The following NEO1 variants were observed in gnomAD, a reference collection of about 807,000 sequenced individuals.
The protein encoded by NEO1 is neogenin 1.
In NEO1, 63 loss-of-function variants were observed where a neutral mutation model predicts 159.7. The observed-to-expected ratio is 0.39, with a 90% CI of 0.32 to 0.49. The LOEUF (loss-of-function observed/expected upper bound fraction) is 0.49, where lower values mean the gene tolerates loss of function less well. NEO1 is among the 20% of genes least tolerant of loss of function. NEO1 has a pLI of 0.85. For missense variants in NEO1, 1,615 were observed against 1,831.0 expected (o/e 0.88, Z 2.15); for synonymous variants, 633 against 662.0 (o/e 0.96, Z 0.67).
chr15:73,057,735 C>G (rs992196074), intron 1 of NEO1, among the ~76,000 whole-genome samples: 1 of 152,158 alleles, frequency 6.6e-6, no homozygotes, highest in Non-Finnish European at 1.5e-5. Flanking sequence ...TTTCTTTCTA[C>G]TTACTGCCTA....
intron 1 of NEO1, among the ~76,000 whole-genome samples, chr15:73,077,855 A>C (rs1350242145): frequency 1.3e-5 from 2 of 152,222 alleles, no homozygotes; most frequent in African/African-American, 2.4e-5. Flanking sequence ...GAAGCAACTC[A>C]GTGTAAGCTT....
At chr15:73,128,753 T>C (rs2151700731) in intron 4 of NEO1, among the ~76,000 whole-genome samples, 1 of 152,362 alleles carries the variant, frequency 6.6e-6, no homozygotes, top group Non-Finnish European at 1.5e-5. Flanking sequence ...GTTCTTTTAG[T>C]AGAATGATTC....
At chr15:73,158,588 CTT>C (rs750529648) in intron 5 of NEO1, among the ~76,000 whole-genome samples, 5 of 152,066 alleles carry the variant, frequency 3.3e-5, no homozygotes, top group Non-Finnish European at 7.4e-5. Context: ...GGCGATCTCA[CTT>C]TGTTACCCAG....
chr15:73,080,681 A>T lies in NEO1; in HGVS notation c.130+27876A>T, dbSNP rs554038708. On this transcript the variant is annotated intron_variant, in intron 1 of 28. Coordinates refer to ENST00000261908, the MANE Select transcript of NEO1 (RefSeq NM_002499.4). ...GATTAAAGGACATGAGGAAGGAAGC[A>T]TTAGTGAGGAAGTTGAACCATTGAC... 1.2e-4 allele frequency among the ~76,000 whole-genome samples: 19 copies of T among 152,266 alleles called. No individual in the cohort carries two copies. The South Asian group carries it at 3.9e-3, about 32-fold the overall frequency.
At chr15:73,206,285 T>C (rs1330366388) in intron 7 of NEO1, among the ~76,000 whole-genome samples, 1 of 152,152 alleles carries the variant, frequency 6.6e-6, no homozygotes, top group East Asian at 1.9e-4. Flanking sequence ...TTCTCCTGTT[T>C]CCTTATTTGC....
rs139352146 is a variant in NEO1 at position 73,249,085 on chromosome 15, C to T, written c.1632C>T (p.Asn544=). ...PEVQLPGPAP[N]LRAYAASPTS... ...TTCAGCTCCCTGGCCCAGCACCTAA[C>T]CTTCGTGCATATGCAGCTTCGCCTA... Residue 544 remains asparagine (N), a synonymous_variant, in exon 10 of 29, where the codon AAC becomes AAT. Transcript: ENST00000261908. 3.2e-5 allele frequency: 52 copies of T among 1,614,054 alleles called. No homozygotes were observed. In the African/African-American group the frequency reaches 6.4e-4, roughly 20 times the overall value.
Position 73,249,693 on chromosome 15 carries a change from A to G in NEO1, c.1866A>G (p.Pro622=). The part of the protein sequence containing the change: ...YNKHGPGVST[P]DVAVRTLSDV... Reference sequence around the variant, plus strand: ...AACATGGTCCTGGAGTTTCCACACCAGATGTTGCTGTTCGAACATTGTCAG... The same window carrying G: ...AACATGGTCCTGGAGTTTCCACACCGGATGTTGCTGTTCGAACATTGTCAG... Residue 622 remains proline, a synonymous_variant, in exon 11 of 29, where the codon CCA becomes CCG. Coordinates refer to ENST00000261908, the MANE Select transcript of NEO1 (RefSeq NM_002499.4). 1 of 1,612,682 alleles carries G rather than the reference A, an allele frequency of 6.2e-7. No homozygotes were observed. The highest frequency in any genetic ancestry group is 1.3e-5 in the African/African-American group (1 of 74,954).
At chr15:73,149,292 C>T (rs1425393673) in intron 5 of NEO1, among the ~76,000 whole-genome samples, 4 of 149,340 alleles carry the variant, frequency 2.7e-5, no homozygotes, top group Non-Finnish European at 5.9e-5. Flanking sequence ...TCCAGCCTGG[C>T]GACAGAGTAA....
intron 1 of NEO1, among the ~76,000 whole-genome samples, chr15:73,054,604 A>T (rs2067613228): frequency 6.6e-6 from 1 of 152,222 alleles, no homozygotes; most frequent in Non-Finnish European, 1.5e-5. Flanking sequence ...AGAGTGTCTC[A>T]CAAGAACTGA....
chr15:73,206,304 T>G (rs2037222631), intron 7 of NEO1, among the ~76,000 whole-genome samples: 1 of 152,196 alleles, frequency 6.6e-6, no homozygotes, highest in African/African-American at 2.4e-5. Context: ...GCTGTTTCCT[T>G]TATTATTTCT....
intron 7 of NEO1, among the ~76,000 whole-genome samples, chr15:73,188,514 C>G (rs1196230793): frequency 6.6e-6 from 1 of 152,048 alleles, no homozygotes; most frequent in South Asian, 2.1e-4. Flanking sequence ...TAACTACTTC[C>G]TCTATTTTGG....
chr15:73,279,908 G>A (rs1285440896), intron 22 of NEO1, among the ~76,000 whole-genome samples: 1 of 152,156 alleles, frequency 6.6e-6, no homozygotes, highest in Non-Finnish European at 1.5e-5. Context: ...CATAGAGAAA[G>A]GATAGAGATT....
chr15:73,240,842 G>T (rs1218869587), intron 8 of NEO1, among the ~76,000 whole-genome samples: 1 of 152,214 alleles, frequency 6.6e-6, no homozygotes, highest in East Asian at 1.9e-4. Flanking sequence ...TTTCTGAATA[G>T]AGGCAATGAA....
At chr15:73,229,443 T>C (rs960731630) in intron 7 of NEO1, among the ~76,000 whole-genome samples, 4 of 147,710 alleles carry the variant, frequency 2.7e-5, no homozygotes, top group African/African-American at 1.0e-4. Context: ...TATTTATTAG[T>C]TTTAGTTGTT....
At chr15:73,252,318 C>G (rs1476750536) in intron 11 of NEO1, among the ~76,000 whole-genome samples, 2 of 152,288 alleles carry the variant, frequency 1.3e-5, no homozygotes, top group South Asian at 4.1e-4. Flanking sequence ...TTTGCTTGCT[C>G]TCACCAATAT....
Position 73,139,992 on chromosome 15 carries a change from T to C in NEO1, c.1015+3965T>C, listed in dbSNP as rs79847567. On this transcript the variant is annotated intron_variant, in intron 5 of 28. Transcript: ENST00000261908. ...AACAAAGACAGAAACCAATAGAAAA[T>C]GGGCAAAAGACTTGAACATCGACCT... 8.7e-3 allele frequency among the ~76,000 whole-genome samples: 1,324 copies of C among 152,220 alleles called. 22 individuals carry two copies. Among genetic ancestry groups the C allele is most frequent in the African/African-American group, 0.03 (1,249 of 41,552 alleles).
intron 7 of NEO1, among the ~76,000 whole-genome samples, chr15:73,186,221 A>T (rs989321350): frequency 6.6e-6 from 1 of 150,602 alleles, no homozygotes; most frequent in Admixed American, 6.6e-5. Context: ...TTTTTAGTTT[A>T]AAAAAAAATA....
intron 4 of NEO1, among the ~76,000 whole-genome samples, chr15:73,127,581 T>C (rs550908556): frequency 1.8e-4 from 27 of 152,330 alleles, no homozygotes; most frequent in Non-Finnish European, 3.2e-4. Flanking sequence ...GAAGCAAAAT[T>C]GCCCCCAGTT....
At chr15:73,258,075 G>A (rs1357695788) in intron 13 of NEO1, among the ~76,000 whole-genome samples, 2 of 152,180 alleles carry the variant, frequency 1.3e-5, no homozygotes, top group African/African-American at 2.4e-5. Flanking sequence ...TCTCAGTACT[G>A]TTGCCCTGGT....
Sources: gnomAD v4.1 joint callset for allele counts (sites outside exome capture counted in the v4.1 genomes callset) on GRCh38, gnomAD v4.1.1 for gene constraint, MANE v1.5 for transcripts, NCBI Gene and HGNC (gene_info 2026-07-23, HGNC 2026-07-21) for gene names.